PCDHA3: variants seen among roughly 807,000 people sequenced by gnomAD.
PCDHA3 encodes protocadherin alpha-3.
Under a neutral mutation model 62.2 loss-of-function variants are expected in PCDHA3, and 41 were observed. The observed-to-expected ratio is 0.66, with a 90% CI of 0.51 to 0.86. PCDHA3 has a LOEUF of 0.86. PCDHA3 is among the 40% of genes least tolerant of loss of function. The pLI is 0.00. For synonymous variants in PCDHA3, 640 were observed against 555.4 expected (o/e 1.15, Z -2.14); for missense variants, 1,304 against 1,241.2 (o/e 1.05, Z -0.76).
intron 1 of PCDHA3, chr5:140,824,418 A>G: frequency 3.9e-6 from 2 of 513,258 alleles, no homozygotes; most frequent in South Asian, 2.8e-5. Context: ...CATAGTTTGG[A>G]GTCATTCTCA....
At chr5:140,841,815 ACTC>A in intron 1 of PCDHA3, 1 of 1,613,826 alleles carries the variant, frequency 6.2e-7, no homozygotes, top group Non-Finnish European at 8.5e-7. Flanking sequence ...GTTGGAGCTA[ACTC>A]CGTGTTAACC....
At chr5:140,882,339 G>A (rs1554173610) in intron 1 of PCDHA3, 1 of 1,614,162 alleles carries the variant, frequency 6.2e-7, no homozygotes, top group Admixed American at 1.7e-5. Flanking sequence ...CTCGCAGCCT[G>A]GGAGACGGGT....
Position 140,868,861 on chromosome 5 carries a change from T to G in PCDHA3, c.2394+65270T>G, listed in dbSNP as rs539900578. The G allele has an allele frequency of 3.6e-3, 1,881 of 525,394 alleles. 11 individuals carry two copies. Among genetic ancestry groups the G allele is most frequent in the Non-Finnish European group, 4.6e-3 (1,438 of 315,638 alleles). 32.5% of individuals were successfully genotyped at this position (525,394 alleles called of 1,614,324 possible). On this transcript the variant is annotated intron_variant, in intron 1 of 3. Coordinates refer to ENST00000522353, the MANE Select transcript of PCDHA3 (RefSeq NM_018906.3). ...ACACGTGAAATTCTGTGGTGGTAAA[T>G]GCAGTGCACAGTACTCACAGTTTTA...
At chr5:140,871,198 C>T (rs540384431) in intron 1 of PCDHA3, 3 of 1,613,730 alleles carry the variant, frequency 1.9e-6, no homozygotes, top group African/African-American at 1.3e-5. Context: ...CAACGTGTAC[C>T]TGATCATCGC....
chr5:140,836,615 G>T (rs2150265724), intron 1 of PCDHA3: 33 of 1,613,516 alleles, frequency 2.0e-5, no homozygotes, highest in Non-Finnish European at 4.2e-6. Context: ...GCTCCAGCGC[G>T]GTGGGGAGCT....
intron 2 of PCDHA3, among the ~76,000 whole-genome samples, chr5:140,980,549 G>A (rs1382828581): frequency 1.3e-5 from 2 of 152,162 alleles, no homozygotes; most frequent in Non-Finnish European, 2.9e-5. Context: ...AGAATCGCTT[G>A]AACCCGGGAG....
At chr5:140,858,510 T>A (rs565313627) in intron 1 of PCDHA3, 1 of 1,437,158 alleles carries the variant, frequency 7.0e-7, no homozygotes. Context: ...TTCTCAAATA[T>A]GTATCAGAAT....
Position 140,927,804 on chromosome 5 carries a change from G to T in PCDHA3, c.2395-51145G>T, listed in dbSNP as rs112037348. The T allele has an allele frequency of 8.3e-4, 1,346 of 1,614,160 alleles. 11 individuals carry two copies. The African/African-American group carries it at 0.015, about 18-fold the overall frequency. On this transcript the variant is annotated intron_variant, in intron 1 of 3. Coordinates refer to ENST00000522353, the MANE Select transcript of PCDHA3 (RefSeq NM_018906.3). Reference sequence around the variant, plus strand: ...CTGCTTCACTAGGTCCGCCTGAAACGCTCTTGGAGGCATACATTGAGGCGA... The same window carrying T: ...CTGCTTCACTAGGTCCGCCTGAAACTCTCTTGGAGGCATACATTGAGGCGA...
At chr5:140,950,439 G>A (rs1448812695) in intron 1 of PCDHA3, among the ~76,000 whole-genome samples, 1 of 151,962 alleles carries the variant, frequency 6.6e-6, no homozygotes, top group Non-Finnish European at 1.5e-5. Context: ...TAAAAAAAAT[G>A]TTATTCTACT....
intron 3 of PCDHA3, among the ~76,000 whole-genome samples, chr5:140,984,610 G>A (rs2097110934): frequency 6.6e-6 from 1 of 152,188 alleles, no homozygotes; most frequent in African/African-American, 2.4e-5. Flanking sequence ...CTCTGCATCA[G>A]TGGTGTAAAG....
intron 3 of PCDHA3, among the ~76,000 whole-genome samples, chr5:141,005,648 G>A (rs1354125322): frequency 7.4e-6 from 1 of 135,988 alleles, no homozygotes; most frequent in Non-Finnish European, 1.5e-5. Flanking sequence ...CTTGCAGTGA[G>A]TCGAGATCGC....
At chr5:140,860,585 A>G (rs782000527) in intron 1 of PCDHA3, 1 of 152,230 alleles carries the variant, frequency 6.6e-6, no homozygotes, top group African/African-American at 2.4e-5. Flanking sequence ...AAGGTATAGG[A>G]AAGGAGTTGG....
chr5:140,981,037 A>T (rs1427761331), intron 2 of PCDHA3, among the ~76,000 whole-genome samples: 1 of 152,204 alleles, frequency 6.6e-6, no homozygotes, highest in Non-Finnish European at 1.5e-5. Context: ...TTTGGGGAAA[A>T]AAAACAGATA....
At chr5:140,926,982 G>A (rs1554203886) in intron 1 of PCDHA3, 1 of 1,610,398 alleles carries the variant, frequency 6.2e-7, no homozygotes, top group East Asian at 2.2e-5. Flanking sequence ...CGGAGGAGAC[G>A]GAGCGGGGCG....
chr5:140,996,799 T>C (rs1372599057), intron 3 of PCDHA3, among the ~76,000 whole-genome samples: 3 of 152,306 alleles, frequency 2.0e-5, no homozygotes, highest in African/African-American at 7.2e-5. Context: ...CTACATCCAA[T>C]CATGCTTTCC....
intron 1 of PCDHA3, 78 bp from the exon 2 acceptor site, chr5:140,978,871 T>A (rs1328301924): frequency 6.2e-7 from 1 of 1,606,392 alleles, no homozygotes; most frequent in Non-Finnish European, 8.5e-7. Context: ...TTTAAGGGAG[T>A]AACTAATCAA....
At chr5:140,950,579 A>G (rs2094498747) in intron 1 of PCDHA3, among the ~76,000 whole-genome samples, 1 of 151,956 alleles carries the variant, frequency 6.6e-6, no homozygotes, top group African/African-American at 2.4e-5. Flanking sequence ...TTTTCTACTT[A>G]CCTTTGGTTT....
intron 1 of PCDHA3, among the ~76,000 whole-genome samples, chr5:140,964,823 G>A (rs541084771): frequency 2.6e-5 from 4 of 152,218 alleles, no homozygotes; most frequent in Non-Finnish European, 1.5e-5. Context: ...AGATTTTGAT[G>A]AAAATTGCTT....
chr5:140,947,249 C>T (rs1178030042), intron 1 of PCDHA3, among the ~76,000 whole-genome samples: 3 of 151,204 alleles, frequency 2.0e-5, no homozygotes, highest in African/African-American at 7.3e-5. Flanking sequence ...TAAGATAATC[C>T]AATGTACCAT....
Sources: allele counts gnomAD v4.1 joint callset (sites outside exome capture counted in the v4.1 genomes callset), GRCh38; gene constraint gnomAD v4.1.1; transcripts MANE v1.5; gene names NCBI Gene and HGNC (gene_info 2026-07-23, HGNC 2026-07-21).